The following SHCBP1 variants were observed in gnomAD, a reference collection of about 807,000 sequenced individuals.
SHCBP1 encodes SHC binding and spindle associated 1, also known as SHC SH2 domain-binding protein 1.
Under a neutral mutation model 75.1 loss-of-function variants are expected in SHCBP1, and 60 were observed. The ratio of observed to expected loss-of-function variants is 0.80; its 90% CI spans 0.65 to 0.99. The LOEUF (loss-of-function observed/expected upper bound fraction) is 0.99. Ranked by LOEUF, SHCBP1 falls within the 50% of genes least tolerant of loss-of-function variation. The pLI is 0.00. For missense variants in SHCBP1, 709 were observed against 809.4 expected, an observed-to-expected ratio of 0.88 and a Z score of 1.50; for synonymous variants, 290 against 293.2, an observed-to-expected ratio of 0.99 and a Z score of 0.11.
At position 46,621,252 on chromosome 16, in the gene SHCBP1, C is replaced by T; in HGVS notation, c.103+5G>A. 6.2e-7 allele frequency: 1 copy of T among 1,605,648 alleles called. No individual in the cohort carries two copies. The highest frequency in any genetic ancestry group is 1.7e-5 in the Admixed American group (1 of 59,842). ...GGCTCCTCGGCCCCGGCATGGAGAG[C>T]TCACCTTTCTCCAGAGACGCCAGCT... On this transcript the variant is annotated splice_donor_5th_base_variant and intron_variant, in intron 1 of 12. Coordinates refer to ENST00000303383, the MANE Select transcript of SHCBP1 (RefSeq NM_024745.5).
intron 8 of SHCBP1, among the ~76,000 whole-genome samples, chr16:46,602,775 C>A (rs1374617488): frequency 6.6e-6 from 1 of 152,124 alleles, no homozygotes; most frequent in East Asian, 1.9e-4. Context: ...GGATTACAGG[C>A]GTGCAACAAC....
At chr16:46,606,915 G>A (rs1440599005) in intron 5 of SHCBP1, among the ~76,000 whole-genome samples, 2 of 151,942 alleles carry the variant, frequency 1.3e-5, no homozygotes, top group Non-Finnish European at 2.9e-5. Flanking sequence ...CAAACTCCTG[G>A]ACTCAAGCAA....
At chr16:46,606,725 C>T (rs1965331240) in intron 5 of SHCBP1, among the ~76,000 whole-genome samples, 1 of 152,076 alleles carries the variant, frequency 6.6e-6, no homozygotes, top group Admixed American at 6.6e-5. Flanking sequence ...AATGGAAAAA[C>T]TGGAAAGCCT....
chr16:46,602,850 C>T (rs1457170637), intron 8 of SHCBP1, among the ~76,000 whole-genome samples: 1 of 152,184 alleles, frequency 6.6e-6, no homozygotes, highest in Middle Eastern at 3.2e-3. Context: ...AGACTGGTCT[C>T]AAACTCCTGG....
intron 10 of SHCBP1, among the ~76,000 whole-genome samples, chr16:46,593,156 A>G (rs1965078431): frequency 6.6e-6 from 1 of 151,818 alleles, no homozygotes; most frequent in Non-Finnish European, 1.5e-5. Flanking sequence ...TAAAGATTAG[A>G]AAAGAAAAAA....
chr16:46,610,544 A>ATTTTGTTTTTTTTT (rs1965397169), intron 4 of SHCBP1, among the ~76,000 whole-genome samples: 1 of 31,088 alleles, frequency 3.2e-5, no homozygotes, highest in Non-Finnish European at 5.7e-5. Flanking sequence ...CATGGGGTCA[A>ATTTTGTTTTTTTTT]TTTTTTTTTT....
intron 8 of SHCBP1, among the ~76,000 whole-genome samples, chr16:46,600,611 C>T (rs1327371904): frequency 6.6e-6 from 1 of 152,182 alleles, no homozygotes; most frequent in Non-Finnish European, 1.5e-5. Context: ...AAACAGTTCT[C>T]AAGATGATCT....
chr16:46,595,576 C>T lies in SHCBP1; in HGVS notation c.1440G>A (p.Lys480=), dbSNP rs372325367. ...TVRTSAEFLM[K]NSDLYGAKGA... ...CCTTGGCGCCATATAAATCCGAGTT[C>T]TTCATTAGAAACTCTGCTGATGTCC... Residue 480 remains lysine, a synonymous_variant, in exon 10 of 13, where the codon AAG becomes AAA. Coordinates refer to ENST00000303383, the MANE Select transcript of SHCBP1 (RefSeq NM_024745.5). 18 of 1,613,946 alleles carry T rather than the reference C, an allele frequency of 1.1e-5. No homozygotes were observed. The highest frequency in any genetic ancestry group is 6.7e-5 in the African/African-American group (5 of 74,902).
At chr16:46,599,760 A>G (rs1177102764) in intron 9 of SHCBP1, 71 bp downstream of exon 9, 11 of 1,320,788 alleles carry the variant, frequency 8.3e-6, no homozygotes, top group African/African-American at 3.1e-5. Context: ...ATTAAATTCT[A>G]TCTTCCATAG....
rs1319322070 is a variant in SHCBP1, at chr16:46,581,879, T to G, written c.1869A>C (p.Thr623=). 1.2e-6 allele frequency: 2 copies of G among 1,614,034 alleles called. No homozygotes were observed. Among genetic ancestry groups the G allele is most frequent in the Admixed American group, 1.7e-5 (1 of 59,996 alleles). ...EIVNELIAAS[T]QKGQIKKKRL... is the part of the protein sequence containing the mutation. The stretch of plus-strand genomic sequence containing the variant: ...TTTTCTTCTTTATCTGGCCTTTCTG[T>G]GTGGAGGCAGCAATTAGTTCATTTA... The change falls in exon 13 of 13, where the codon ACA becomes ACC. Residue 623 remains threonine (T), a synonymous_variant. Coordinates refer to ENST00000303383, the MANE Select transcript of SHCBP1 (RefSeq NM_024745.5).
At chr16:46,612,294 G>A (rs1025148282) in intron 4 of SHCBP1, among the ~76,000 whole-genome samples, 1 of 152,234 alleles carries the variant, frequency 6.6e-6, no homozygotes, top group Non-Finnish European at 1.5e-5. Context: ...CATAATTTCA[G>A]AGATGAGGTC....
Position 46,616,163 on chromosome 16 carries a change from T to G in SHCBP1, c.388-9A>C. On this transcript the variant is annotated splice_polypyrimidine_tract_variant and intron_variant, in intron 3 of 12. Transcript: ENST00000303383. This position sits in a 1 kb window ranked among gnomAD's most constrained non-coding sequence, Gnocchi z 4.4. ...AAGTCCACATCTGTGATCTGAAATT[T>G]AAAATAATGTGACTTAACACATGGA... 2 of 1,611,026 alleles carry G rather than the reference T, an allele frequency of 1.2e-6. No individual in the cohort carries two copies. Among genetic ancestry groups the G allele is most frequent in the Non-Finnish European group, 1.7e-6 (2 of 1,177,888 alleles).
At chr16:46,612,907 CCA>C (rs2143001727) in intron 4 of SHCBP1, among the ~76,000 whole-genome samples, 1 of 152,310 alleles carries the variant, frequency 6.6e-6, no homozygotes, top group Non-Finnish European at 1.5e-5. Flanking sequence ...ATCCACTCGA[CCA>C]CCAAGTCCAG....
chr16:46,588,753 G>A (rs893166062), intron 10 of SHCBP1, among the ~76,000 whole-genome samples: 1 of 151,704 alleles, frequency 6.6e-6, no homozygotes, highest in Non-Finnish European at 1.5e-5. Flanking sequence ...ACAAAGAGGA[G>A]CTGGTACCAT....
intron 10 of SHCBP1, among the ~76,000 whole-genome samples, chr16:46,586,790 C>A (rs1279953971): frequency 6.6e-6 from 1 of 152,026 alleles, no homozygotes; most frequent in Admixed American, 6.6e-5. Context: ...GAAAGACACA[C>A]AGTATTGTTC....
At chr16:46,608,443 A>G (rs957232016) in intron 4 of SHCBP1, 54 bp from the exon 5 acceptor site, 1 of 1,217,674 alleles carries the variant, frequency 8.2e-7, no homozygotes, top group African/African-American at 1.5e-5. Flanking sequence ...AAACATTAGG[A>G]TTTTGGAGGG....
intron 4 of SHCBP1, among the ~76,000 whole-genome samples, chr16:46,612,191 C>T (rs1297341743): frequency 1.3e-5 from 2 of 152,092 alleles, no homozygotes; most frequent in Non-Finnish European, 2.9e-5. Context: ...TGATCAAATA[C>T]CTAGAATGTC....
chr16:46,581,959 C>A lies in SHCBP1; in HGVS notation c.1789G>T (p.Glu597Ter), dbSNP rs759269642. 1.2e-6 allele frequency: 2 copies of A among 1,614,186 alleles called. No homozygotes were observed. The highest frequency in any genetic ancestry group is 1.1e-5 in the South Asian group (1 of 91,084). ...GAAGGGTCAGTTCTTGCACAAAGCT[C>A]CATTTTACCAGTTGCACACTCAATC... ...ELIECATGKM[E>*]LCARTDPSEQ... Residue 597 changes from glutamate (E) to a stop codon, truncating the protein, a stop_gained, in exon 13 of 13, where the codon GAG becomes TAG. Coordinates refer to ENST00000303383, the MANE Select transcript of SHCBP1 (RefSeq NM_024745.5). LOFTEE classifies it high-confidence loss of function.
chr16:46,598,552 G>A (rs1965179379), intron 9 of SHCBP1, among the ~76,000 whole-genome samples: 1 of 152,140 alleles, frequency 6.6e-6, no homozygotes, highest in Middle Eastern at 3.4e-3. Context: ...TTCAGGCTTT[G>A]TTGTTCCATT....
Sources: gnomAD v4.1 joint callset for allele counts (sites outside exome capture counted in the v4.1 genomes callset) on GRCh38, gnomAD v4.1.1 for gene constraint, Gnocchi (gnomAD v3.1) non-coding constraint, MANE v1.5 for transcripts, NCBI Gene and HGNC (gene_info 2026-07-23, HGNC 2026-07-21) for gene names.